Variants in RBFOX1 observed in about 807,000 individuals in gnomAD.
The protein encoded by RBFOX1 is RNA binding fox-1 homolog 1.
RBFOX1 carries 8 observed loss-of-function variants against 57.7 expected under a neutral mutation model. The ratio of observed to expected loss-of-function variants is 0.14; its 90% CI spans 0.08 to 0.25. RBFOX1 has a LOEUF of 0.25. Ranked by LOEUF, RBFOX1 falls within the 10% of genes least tolerant of loss-of-function variation. The probability of loss-of-function intolerance (pLI) is 1.00; values close to 1 mark genes in which losing one functional copy is unlikely to be tolerated. For synonymous variants in RBFOX1, 326 were observed against 222.4 expected, an observed-to-expected ratio of 1.47 and a Z score of -4.15; for missense variants, 611 against 548.5, an observed-to-expected ratio of 1.11 and a Z score of -1.14.
At chr16:6,955,207 C>G (rs1346545484) in intron 3 of RBFOX1, among the ~76,000 whole-genome samples, 1 of 152,080 alleles carries the variant, frequency 6.6e-6, no homozygotes, top group Admixed American at 6.6e-5. Flanking sequence ...CACCACTGTA[C>G]TCCAGCCTGC....
intron 3 of RBFOX1, among the ~76,000 whole-genome samples, chr16:6,740,445 T>G (rs1243837763): frequency 1.3e-5 from 2 of 151,986 alleles, no homozygotes; most frequent in African/African-American, 4.8e-5. Context: ...AATAAAGAAA[T>G]AAAACTATCC....
At chr16:6,152,660 G>A (rs895337988) in intron 1 of RBFOX1, among the ~76,000 whole-genome samples, 4 of 151,048 alleles carry the variant, frequency 2.6e-5, no homozygotes, top group African/African-American at 7.3e-5. Flanking sequence ...GCTAAGCAAT[G>A]TATGCTATCT....
intron 4 of RBFOX1, among the ~76,000 whole-genome samples, chr16:7,502,175 C>G (rs1054166573): frequency 2.6e-5 from 4 of 152,122 alleles, no homozygotes; most frequent in Non-Finnish European, 5.9e-5. Flanking sequence ...ATTTTATCGT[C>G]TTTGCCTGTT....
At chr16:6,469,524 C>G (rs937591012) in intron 2 of RBFOX1, among the ~76,000 whole-genome samples, 1 of 152,162 alleles carries the variant, frequency 6.6e-6, no homozygotes, top group Non-Finnish European at 1.5e-5. Flanking sequence ...GAAAACAAGA[C>G]AAATACGGGG....
chr16:6,921,014 C>G (rs2074335758), intron 3 of RBFOX1, among the ~76,000 whole-genome samples: 1 of 152,154 alleles, frequency 6.6e-6, no homozygotes, highest in South Asian at 2.1e-4. Flanking sequence ...GACTGGAACA[C>G]AGTATCTCAA....
intron 1 of RBFOX1, among the ~76,000 whole-genome samples, chr16:6,091,549 G>C (rs2096174206): frequency 1.3e-5 from 2 of 152,164 alleles, no homozygotes; most frequent in African/African-American, 2.4e-5. Flanking sequence ...ATTTGTTGAG[G>C]CCGAGTGTCA....
intron 4 of RBFOX1, among the ~76,000 whole-genome samples, chr16:7,272,407 A>G (rs2095341137): frequency 1.3e-5 from 2 of 152,092 alleles, no homozygotes; most frequent in South Asian, 4.2e-4. Flanking sequence ...TTGGGCTTGA[A>G]TTCCTGACCT....
At chr16:6,023,030 G>C (rs1003124616) in intron 1 of RBFOX1, among the ~76,000 whole-genome samples, 1 of 152,084 alleles carries the variant, frequency 6.6e-6, no homozygotes, top group Non-Finnish European at 1.5e-5. Context: ...AGAGTAGAAG[G>C]TTGTGGCCAG....
At chr16:6,865,984 ACAAT>A (rs2059844595) in intron 3 of RBFOX1, among the ~76,000 whole-genome samples, 1 of 152,214 alleles carries the variant, frequency 6.6e-6, no homozygotes, top group African/African-American at 2.4e-5. Context: ...ATTGAAAAAA[ACAAT>A]CGGGGAAAAA....
chr16:7,020,864 T>C (rs2061814), intron 3 of RBFOX1, among the ~76,000 whole-genome samples: 50,365 of 152,138 alleles, frequency 0.33, 11,834 homozygotes, highest in African/African-American at 0.66. Flanking sequence ...TGAAGGCTCA[T>C]GCCTGTAATC....
chr16:7,032,663 C>T lies in RBFOX1; in HGVS notation c.-15-19394C>T, dbSNP rs373466032. 7.9e-5 allele frequency among the ~76,000 whole-genome samples: 12 copies of T among 152,056 alleles called. No homozygotes were observed. The East Asian group carries it at 9.7e-4, about 12-fold the overall frequency. ...GCTAATTGCTTGATGGAATTAAAGA[C>T]GATAATCTCTAATAATTCCAGTGAA... On this transcript the variant is annotated intron_variant, in intron 3 of 15. Transcript: ENST00000550418.
At chr16:6,696,368 G>A (rs575610924) in intron 3 of RBFOX1, among the ~76,000 whole-genome samples, 5 of 152,020 alleles carry the variant, frequency 3.3e-5, no homozygotes, top group African/African-American at 1.2e-4. Flanking sequence ...TTTATAATAT[G>A]CAGTGAGTCT....
At chr16:5,679,031 A>T (rs1212290202) in intron 3 of RBFOX1, among the ~76,000 whole-genome samples, 1 of 152,230 alleles carries the variant, frequency 6.6e-6, no homozygotes, top group Non-Finnish European at 1.5e-5. Flanking sequence ...TGTTAGCTGA[A>T]CTGGAATTTA....
At chr16:7,419,303 G>C (rs879875496) in intron 4 of RBFOX1, among the ~76,000 whole-genome samples, 1 of 152,124 alleles carries the variant, frequency 6.6e-6, no homozygotes, top group Non-Finnish European at 1.5e-5. Context: ...CATTGCAACA[G>C]TGACACTCCC....
At chr16:7,669,594 A>G (rs1429171690) in intron 13 of RBFOX1, among the ~76,000 whole-genome samples, 1 of 152,184 alleles carries the variant, frequency 6.6e-6, no homozygotes, top group African/African-American at 2.4e-5. Context: ...GTGCATTTTT[A>G]TACCATTCCT....
In RBFOX1 at chr16:5,946,678, G is replaced by C. The variant is rs1026299616; in HGVS notation, c.351+79343G>C. On this transcript the variant is annotated intron_variant, in intron 4 of 19. Transcript: ENST00000641259. The surrounding 1 kb of genome is among the most constrained non-coding windows in gnomAD (Gnocchi z 4.6). ...AGAGAAGGGGGTTATGAGAATCTCT[G>C]ATTTATAACCAGATGGTGAGAAGGG... 6.6e-6 allele frequency among the ~76,000 whole-genome samples: 1 copy of C among 152,184 alleles called. No homozygotes were observed.
At chr16:7,517,545 C>A (rs908390212) in intron 4 of RBFOX1, among the ~76,000 whole-genome samples, 7 of 21,020 alleles carry the variant, frequency 3.3e-4, no homozygotes, top group Non-Finnish European at 1.8e-3. Flanking sequence ...CGCATACACA[C>A]ACACAGACAC....
intron 3 of RBFOX1, among the ~76,000 whole-genome samples, chr16:5,810,613 T>G (rs2055387838): frequency 6.6e-6 from 1 of 152,188 alleles, no homozygotes; most frequent in Non-Finnish European, 1.5e-5. Context: ...CCTGCTGGGT[T>G]GACCCAGCCC....
chr16:6,632,149 C>A (rs1405987678), intron 2 of RBFOX1, among the ~76,000 whole-genome samples: 1 of 152,130 alleles, frequency 6.6e-6, no homozygotes, highest in East Asian at 1.9e-4. Context: ...TACTGCATCT[C>A]TGTGATCCTT....
Sources: gnomAD v4.1 joint callset for allele counts (sites outside exome capture counted in the v4.1 genomes callset) on GRCh38, gnomAD v4.1.1 for gene constraint, Gnocchi (gnomAD v3.1) non-coding constraint, MANE v1.5 for transcripts, NCBI Gene and HGNC (gene_info 2026-07-23, HGNC 2026-07-21) for gene names.